ELP2: variants seen among roughly 807,000 people sequenced by gnomAD.
The protein encoded by ELP2 is elongator complex protein 2.
In ELP2, 90 loss-of-function variants were observed where a neutral mutation model predicts 119.2. The ratio of observed to expected loss-of-function variants is 0.75; its 90% CI spans 0.64 to 0.90. ELP2 has a LOEUF of 0.90. Among genes scored for constraint, ELP2 ranks in the 40% least tolerant of loss-of-function variants. The probability of loss-of-function intolerance (pLI) is 0.00; values close to 1 mark genes in which losing one functional copy is unlikely to be tolerated. For missense variants in ELP2, 921 were observed against 967.8 expected (o/e 0.95, Z 0.64); for synonymous variants, 339 against 331.0 (o/e 1.02, Z -0.26).
At chr18:36,135,170 GTTTT>G (rs1297581704) in intron 2 of ELP2, among the ~76,000 whole-genome samples, 1 of 152,126 alleles carries the variant, frequency 6.6e-6, no homozygotes, top group Non-Finnish European at 1.5e-5. Flanking sequence ...AGGCTTGTAT[GTTTT>G]ATCTTCCGTT....
chr18:36,133,378 A>AT (rs1252173824), intron 2 of ELP2, 62 bp downstream of exon 2: 20 of 1,248,110 alleles, frequency 1.6e-5, no homozygotes, highest in Non-Finnish European at 2.1e-5. Flanking sequence ...AAGGTTAGCC[A>AT]TTTTTTTCTC....
At chr18:36,130,745 T>C (rs1347224511) in intron 1 of ELP2, among the ~76,000 whole-genome samples, 1 of 152,222 alleles carries the variant, frequency 6.6e-6, no homozygotes, top group Non-Finnish European at 1.5e-5. Flanking sequence ...ATGGCTAAGT[T>C]GGTCTATACA....
chr18:36,168,048 C>G (rs1172178555), intron 19 of ELP2, among the ~76,000 whole-genome samples: 2 of 152,184 alleles, frequency 1.3e-5, no homozygotes, highest in African/African-American at 2.4e-5. Context: ...CTGGTCTTTC[C>G]TTTGTTTTCA....
At chr18:36,150,504 T>A (rs1178745297) in intron 11 of ELP2, among the ~76,000 whole-genome samples, 3 of 152,200 alleles carry the variant, frequency 2.0e-5, no homozygotes, top group Admixed American at 1.3e-4. Context: ...AGCTAATGTT[T>A]CATAGCAAGA....
chr18:36,171,158 A>G lies in ELP2; in HGVS notation c.2322A>G (p.Gln774=), dbSNP rs760297925. The change falls in exon 21 of 22, where the codon CAA becomes CAG. Residue 774 remains glutamine, a splice_region_variant and synonymous_variant. Coordinates refer to ENST00000358232, the MANE Select transcript of ELP2 (RefSeq NM_018255.4). ...NDWTHCVETS[Q]SQSHTLAIRK... is the part of the protein sequence containing the mutation. ...GGACCCACTGTGTAGAAACAAGTCAAAGGTATTTCTTTCCTATTTTTGTTT... is the reference window on the plus strand; with the variant it reads ...GGACCCACTGTGTAGAAACAAGTCAGAGGTATTTCTTTCCTATTTTTGTTT... 5.6e-6 allele frequency: 9 copies of G among 1,608,540 alleles called. No individual in the cohort carries two copies. In the East Asian group the frequency reaches 8.9e-5, roughly 16 times the overall value.
intron 3 of ELP2, 146 bp from the exon 4 acceptor site, chr18:36,138,124 A>G (rs1174162712): frequency 7.0e-6 from 5 of 709,772 alleles, no homozygotes; most frequent in African/African-American, 1.8e-5. Context: ...TGTTGTTAAC[A>G]TGGTCAGACA....
At chr18:36,145,126 G>C (rs975252094) in intron 9 of ELP2, 92 bp downstream of exon 9, 9 of 958,856 alleles carry the variant, frequency 9.4e-6, no homozygotes, top group Non-Finnish European at 1.5e-5. Context: ...TTTTTACTGT[G>C]ATTAGAAATC....
chr18:36,133,626 T>G lies in ELP2; in HGVS notation c.217+310T>G, dbSNP rs117016031. 4.7e-4 allele frequency among the ~76,000 whole-genome samples: 71 copies of G among 152,322 alleles called. No individual in the cohort carries two copies. The East Asian group carries it at 0.012, about 25-fold the overall frequency. ...AAGAACTTGTAAGCAGGGCCTAGAC[T>G]GAGGCTGTGTTTTAGAGACTTGGTT... On this transcript the variant is annotated intron_variant, in intron 2 of 21. Transcript: ENST00000358232.
Position 36,135,035 on chromosome 18 carries a change from A to C in ELP2, c.218-1272A>C, listed in dbSNP as rs371233917. Among the ~76,000 whole-genome samples the C allele has an allele frequency of 3.3e-5, 5 of 152,368 alleles. No homozygotes were observed. In the East Asian group the frequency reaches 9.6e-4, roughly 29 times the overall value. ...GTCACATGTTAGGTCAATAAAAATC[A>C]TTAAATGGTACAAGGGATGCCTGTT... On this transcript the variant is annotated intron_variant, in intron 2 of 21. Transcript: ENST00000358232.
chr18:36,171,799 C>T lies in ELP2; in HGVS notation c.2324+639C>T, dbSNP rs199960759. Among the ~76,000 whole-genome samples, 99 of 152,346 alleles carry T rather than the reference C, an allele frequency of 6.5e-4. 2 individuals are homozygous for T. The East Asian group carries it at 0.014, about 21-fold the overall frequency. ...TGGCAAGATCCCAGCTCACTGCAAC[C>T]TCCGCCTCCCAGGCTCAATCAGTCT... On this transcript the variant is annotated intron_variant, in intron 21 of 21. Transcript: ENST00000358232.
In ELP2 at chr18:36,154,872, T is replaced by C. The variant is rs750397272; in HGVS notation, c.1148T>C (p.Val383Ala). Residue 383 changes from valine (V) to alanine (A), a missense_variant, in exon 12 of 22, where the codon GTC becomes GCC. Transcript: ENST00000358232. The stretch of plus-strand genomic sequence containing the variant: ...CAGAGAGAGTGGACTCCAGAGATTG[T>C]CATTTCAGGACACTTTGATGGTGTC... ...VNPREWTPEI[V>A]ISGHFDGVQD... The C allele has an allele frequency of 1.9e-6, 3 of 1,614,118 alleles. No individual in the cohort carries two copies. In the East Asian group the frequency reaches 6.7e-5, roughly 36 times the overall value.
rs930175563 is a variant in ELP2 at position 36,164,847 on chromosome 18, G to A, written c.1954+180G>A. On this transcript the variant is annotated intron_variant, in intron 18 of 21. Transcript: ENST00000358232. ...TTGACCTTCCTTGTAAGATTTAAAT[G>A]GAGATGATCTTTATTTGGGTTGACC... 3.2e-5 allele frequency: 20 copies of A among 634,394 alleles called. No individual in the cohort carries two copies. In the African/African-American group the frequency reaches 3.5e-4, roughly 11 times the overall value. 39.3% of individuals were successfully genotyped at this position (634,394 alleles called of 1,614,324 possible). A position where few individuals can be genotyped will look rare whatever the true frequency, so the allele number is the denominator to read the frequency against.
In ELP2 at chr18:36,158,847, C is replaced by T. The variant is rs772086750; in HGVS notation, c.1477C>T (p.Leu493Phe). Residue 493 changes from leucine (L) to phenylalanine (F), a missense_variant, in exon 14 of 22, where the codon CTT becomes TTT. By Grantham distance (22) the Leu-to-Phe change is conservative (BLOSUM62 0). Coordinates refer to ENST00000358232, the MANE Select transcript of ELP2 (RefSeq NM_018255.4). ...NHVLCNQDSD[L>F]PEGATVPALG... ...TTTTCTATTCTAGCAAGATAGTGATCTTCCAGAAGGAGCCACTGTCCCTGC... is the reference window on the plus strand; with the variant it reads ...TTTTCTATTCTAGCAAGATAGTGATTTTCCAGAAGGAGCCACTGTCCCTGC... 1 of 1,603,758 alleles carries T rather than the reference C, an allele frequency of 6.2e-7. No individual in the cohort carries two copies. Among genetic ancestry groups the T allele is most frequent in the Admixed American group, 1.7e-5 (1 of 59,984 alleles).
At position 36,138,893 on chromosome 18, in the gene ELP2, A is replaced by G. The variant is rs200362076; in HGVS notation, c.523+21A>G. 207 of 1,566,238 alleles carry G rather than the reference A, an allele frequency of 1.3e-4. No individual in the cohort carries two copies. The East Asian group carries it at 4.0e-3, about 31-fold the overall frequency. On this transcript the variant is annotated intron_variant, in intron 5 of 21. Coordinates refer to ENST00000358232, the MANE Select transcript of ELP2 (RefSeq NM_018255.4). The stretch of plus-strand genomic sequence containing the variant: ...TGATGGTGAGTATCCTGTTAAGTAT[A>G]TGTTAAAAGGGCAGTATATTTGCAT...
At chr18:36,158,981 C>G (rs2144738502) in intron 14 of ELP2, 77 bp downstream of exon 14, 1 of 1,010,140 alleles carries the variant, frequency 9.9e-7, no homozygotes, top group East Asian at 2.4e-5. Context: ...TAATGTCTAC[C>G]TAATGTTTGT....
chr18:36,170,969 AGAAC>A (rs1414504127), intron 20 of ELP2, 74 bp from the exon 21 acceptor site: 2 of 1,035,956 alleles, frequency 1.9e-6, no homozygotes, highest in African/African-American at 3.2e-5. Flanking sequence ...GACACTGTGA[AGAAC>A]TACTTTAGAG....
intron 21 of ELP2, among the ~76,000 whole-genome samples, chr18:36,173,613 A>G (rs944684572): frequency 2.6e-5 from 4 of 152,166 alleles, no homozygotes; most frequent in African/African-American, 9.7e-5. Flanking sequence ...ATCTTGTTGC[A>G]TAGGTTCAGG....
At chr18:36,137,779 C>T (rs1044932633) in intron 3 of ELP2, among the ~76,000 whole-genome samples, 8 of 128,888 alleles carry the variant, frequency 6.2e-5, no homozygotes, top group African/African-American at 2.2e-4. Flanking sequence ...TTTATTCAAT[C>T]CCAAAGTATA....
chr18:36,175,325 T>TC lies in ELP2; in HGVS notation c.*684_*685insC, dbSNP rs1238342767. ...AAGAGAGGAAACCTAGATTACTTAA[T>TC]TTTATTTTAACATTTTCTATAGATA... On this transcript the variant is annotated 3_prime_UTR_variant, in exon 22 of 22. Transcript: ENST00000358232. 1.6e-5 allele frequency: 1 copy of TC among 63,330 alleles called. No individual in the cohort carries two copies. Among genetic ancestry groups the TC allele is most frequent in the Non-Finnish European group, 3.7e-5 (1 of 26,798 alleles). 3.9% of individuals were successfully genotyped at this position (63,330 alleles called of 1,614,324 possible).
Sources: gnomAD v4.1 joint callset for allele counts (sites outside exome capture counted in the v4.1 genomes callset) on GRCh38, gnomAD v4.1.1 for gene constraint, MANE v1.5 for transcripts, NCBI Gene and HGNC (gene_info 2026-07-23, HGNC 2026-07-21) for gene names.